The following KIAA1217 variants were observed in gnomAD, a reference collection of about 807,000 sequenced individuals.
KIAA1217 encodes the protein KIAA1217, also known as sickle tail protein homolog.
Under a neutral mutation model 163.9 loss-of-function variants are expected in KIAA1217, and 88 were observed. The ratio of observed to expected loss-of-function variants is 0.54; its 90% confidence interval spans 0.45 to 0.64. The LOEUF is 0.64. KIAA1217 is among the 30% of genes least tolerant of loss of function. The pLI is 0.00. For synonymous variants in KIAA1217, 903 were observed against 923.1 expected (o/e 0.98, Z 0.39); for missense variants, 2,372 against 2,475.0 (o/e 0.96, Z 0.88).
At chr10:24,301,157 C>A (rs1161364260) in intron 2 of KIAA1217, among the ~76,000 whole-genome samples, 1 of 152,262 alleles carries the variant, frequency 6.6e-6, no homozygotes, top group South Asian at 2.1e-4. Context: ...CAATCTCAGA[C>A]AATAAAATTC....
At chr10:24,016,379 C>T (rs1847479361) in intron 2 of KIAA1217, among the ~76,000 whole-genome samples, 1 of 152,034 alleles carries the variant, frequency 6.6e-6, no homozygotes, top group Non-Finnish European at 1.5e-5. Flanking sequence ...AGTGATCAAC[C>T]AGCGATTGGG....
At chr10:23,934,039 T>TATGC (rs1169461071) in intron 1 of KIAA1217, among the ~76,000 whole-genome samples, 17 of 152,216 alleles carry the variant, frequency 1.1e-4, no homozygotes, top group Non-Finnish European at 2.1e-4. Context: ...CATTCCTGGA[T>TATGC]ATGCACTCAA....
At chr10:24,293,356 C>T (rs2079295187) in intron 2 of KIAA1217, among the ~76,000 whole-genome samples, 2 of 152,306 alleles carry the variant, frequency 1.3e-5, no homozygotes, top group East Asian at 3.9e-4. Context: ...CAGGCGTGAG[C>T]CACCGCGCCT....
chr10:24,230,835 A>G (rs556982928), intron 2 of KIAA1217, among the ~76,000 whole-genome samples: 7 of 152,240 alleles, frequency 4.6e-5, no homozygotes, highest in East Asian at 1.9e-4. Flanking sequence ...ACTATTAACT[A>G]TAGTTAACAG....
Position 24,536,909 on chromosome 10 carries a change from C to A in KIAA1217, c.3534+16C>A, listed in dbSNP as rs1486356948. ...GGAGAAGAAGGTAACGTGGCAACTGCACATTTGCCACACGGTTGGGAGTCC... is the reference window on the plus strand; with the variant it reads ...GGAGAAGAAGGTAACGTGGCAACTGAACATTTGCCACACGGTTGGGAGTCC... On this transcript the variant is annotated intron_variant, in intron 17 of 20. Coordinates refer to ENST00000376454, the MANE Select transcript of KIAA1217 (RefSeq NM_019590.5). 31 of 1,612,964 alleles carry A rather than the reference C, an allele frequency of 1.9e-5. No individual in the cohort carries two copies. Among genetic ancestry groups the A allele is most frequent in the Non-Finnish European group, 2.6e-5 (31 of 1,179,394 alleles).
At position 24,542,969 on chromosome 10, in the gene KIAA1217, A is replaced by C. The variant is rs201395308; in HGVS notation, c.3699A>C (p.Ser1233=). The change falls in exon 19 of 21, where the codon TCA becomes TCC. Residue 1233 remains serine (S), a synonymous_variant. Transcript: ENST00000376454. ...ENSISDASRT[S]EYKTEIIMKE... The stretch of plus-strand genomic sequence containing the variant: ...GTATTTCTGATGCATCAAGAACATC[A>C]GAATATAAAACTGAGATCATAATGA... The C allele has an allele frequency of 1.1e-4, 174 of 1,613,762 alleles. 2 individuals are homozygous for C. In the East Asian group the frequency reaches 3.5e-3, roughly 32 times the overall value.
chr10:24,134,732 C>T (rs2063773243), intron 2 of KIAA1217, among the ~76,000 whole-genome samples: 1 of 152,090 alleles, frequency 6.6e-6, no homozygotes, highest in East Asian at 1.9e-4. Flanking sequence ...AGCCACCACA[C>T]CTAGCTAATC....
intron 2 of KIAA1217, among the ~76,000 whole-genome samples, chr10:24,278,565 CTTAT>C (rs1271142578): frequency 6.6e-6 from 1 of 152,180 alleles, no homozygotes; most frequent in Non-Finnish European, 1.5e-5. Context: ...TGTATTGAGT[CTTAT>C]TTGTCTATTC....
chr10:24,445,272 A>G (rs2060826478), intron 5 of KIAA1217, among the ~76,000 whole-genome samples: 1 of 152,088 alleles, frequency 6.6e-6, no homozygotes, highest in Non-Finnish European at 1.5e-5. Context: ...CACAGCCCAC[A>G]GCCTCCCTTC....
intron 1 of KIAA1217, among the ~76,000 whole-genome samples, chr10:23,791,324 T>G (rs1370462176): frequency 2.6e-5 from 4 of 152,154 alleles, no homozygotes; most frequent in African/African-American, 9.7e-5. Context: ...ACCTCAACAA[T>G]TAACAATATA....
intron 2 of KIAA1217, among the ~76,000 whole-genome samples, chr10:24,348,410 C>G (rs2048062715): frequency 6.6e-6 from 1 of 152,070 alleles, no homozygotes. Context: ...AGATCTTACT[C>G]TAGTTCATTC....
intron 17 of KIAA1217, among the ~76,000 whole-genome samples, chr10:24,539,880 T>C (rs1267988718): frequency 6.6e-6 from 1 of 152,240 alleles, no homozygotes; most frequent in Non-Finnish European, 1.5e-5. Flanking sequence ...GCAATTTTCT[T>C]GTAACCCTGT....
chr10:23,709,251 C>T (rs560763901), intron 1 of KIAA1217, among the ~76,000 whole-genome samples: 33 of 152,162 alleles, frequency 2.2e-4, no homozygotes, highest in Admixed American at 2.2e-3. Flanking sequence ...CAGGTGGGTG[C>T]GGTGGCTCAC....
At chr10:23,831,545 A>C (rs1169374978) in intron 1 of KIAA1217, among the ~76,000 whole-genome samples, 1 of 152,188 alleles carries the variant, frequency 6.6e-6, no homozygotes, top group Non-Finnish European at 1.5e-5. Flanking sequence ...TTGCATGCCA[A>C]CAGTGTTGCT....
intron 6 of KIAA1217, among the ~76,000 whole-genome samples, chr10:24,484,555 T>G (rs1378042371): frequency 6.6e-6 from 1 of 151,770 alleles, no homozygotes; most frequent in South Asian, 2.1e-4. Context: ...CCTATTTTTA[T>G]TTTTCAATGT....
intron 2 of KIAA1217, among the ~76,000 whole-genome samples, chr10:24,084,697 C>G (rs1049852161): frequency 2.6e-5 from 4 of 152,074 alleles, no homozygotes; most frequent in Non-Finnish European, 4.4e-5. Context: ...ACTGAGGGAA[C>G]ATTTCCAAAG....
chr10:24,311,577 C>T lies in KIAA1217; in HGVS notation c.355-69292C>T, dbSNP rs187545958. On this transcript the variant is annotated intron_variant, in intron 2 of 20. Coordinates refer to ENST00000376454, the MANE Select transcript of KIAA1217 (RefSeq NM_019590.5). ...TGTGACCACATTGCTTTTTCTTAGC[C>T]GATAGTTACAGCTCTATGCAACTTT... Among the ~76,000 whole-genome samples, 27 of 152,214 alleles carry T rather than the reference C, an allele frequency of 1.8e-4. 1 individual carries two copies. The highest frequency in any genetic ancestry group is 9.2e-4 in the Admixed American group (14 of 15,294).
chr10:24,191,388 A>G (rs562637354), intron 2 of KIAA1217, among the ~76,000 whole-genome samples: 1 of 152,312 alleles, frequency 6.6e-6, no homozygotes, highest in Non-Finnish European at 1.5e-5. Context: ...AAAATCAGAC[A>G]TACTATTTGA....
chr10:23,810,948 TTATATAA>T (rs1240673282), intron 1 of KIAA1217, among the ~76,000 whole-genome samples: 104 of 118,350 alleles, frequency 8.8e-4, no homozygotes, highest in African/African-American at 3.5e-3. Flanking sequence ...ATAGTATATA[TTATATAA>T]TATATATAGT....
Sources: allele counts gnomAD v4.1 joint callset (sites outside exome capture counted in the v4.1 genomes callset), GRCh38; gene constraint gnomAD v4.1.1; transcripts MANE v1.5; gene names NCBI Gene and HGNC (gene_info 2026-07-23, HGNC 2026-07-21).